The following RYR2 variants were observed in gnomAD, a reference collection of about 807,000 sequenced individuals.
RYR2 encodes the protein ryanodine receptor 2.
RYR2 carries 227 observed loss-of-function variants against 601.1 expected under a neutral mutation model. The observed-to-expected ratio is 0.38, with a 90% confidence interval of 0.34 to 0.42. The LOEUF is 0.42. Among genes scored for constraint, RYR2 ranks in the 10% least tolerant of loss-of-function variants. The probability of loss-of-function intolerance (pLI) is 1.00; values close to 1 mark genes in which losing one functional copy is unlikely to be tolerated. For missense variants in RYR2, 4,646 were observed against 6,156.5 expected (o/e 0.75, Z 8.21); for synonymous variants, 2,223 against 2,175.1 (o/e 1.02, Z -0.61).
intron 1 of RYR2, among the ~76,000 whole-genome samples, chr1:237,126,753 G>T (rs1187235659): frequency 6.6e-6 from 1 of 151,976 alleles, no homozygotes; most frequent in African/African-American, 2.4e-5. Context: ...CTTATGGAAA[G>T]AATTTTTATT....
Position 237,206,710 on chromosome 1 carries a change from T to C in RYR2, c.49-63787T>C, listed in dbSNP as rs115995884. ...TCCCTATTGTGAACTATTTAGTTTG[T>C]GTCCATTCTGTGGCTATTGAATACT... On this transcript the variant is annotated intron_variant, in intron 1 of 104. Coordinates refer to ENST00000366574, the MANE Select transcript of RYR2 (RefSeq NM_001035.3). Among the ~76,000 whole-genome samples, 1,190 of 152,340 alleles carry C rather than the reference T, an allele frequency of 7.8e-3. 18 individuals carry two copies. Among genetic ancestry groups the C allele is most frequent in the African/African-American group, 0.026 (1,101 of 41,588 alleles).
rs181399233 is a variant in RYR2 at position 237,140,741 on chromosome 1, C to T, written c.48+98172C>T. On this transcript the variant is annotated intron_variant, in intron 1 of 104. Transcript: ENST00000366574. ...AAGTGGATTAATTATTATAAGCTTA[C>T]TCTGAACCATTACAGGTGTCTTTGA... Among the ~76,000 whole-genome samples, 14 of 152,270 alleles carry T rather than the reference C, an allele frequency of 9.2e-5. No individual in the cohort carries two copies. In the East Asian group the frequency reaches 1.7e-3, roughly 19 times the overall value.
At chr1:237,803,450 G>A (rs987634010) in intron 98 of RYR2, among the ~76,000 whole-genome samples, 3 of 152,002 alleles carry the variant, frequency 2.0e-5, no homozygotes, top group Admixed American at 6.6e-5. Context: ...ACAGGCGCCC[G>A]CCACCACGCC....
At chr1:237,460,047 A>G (rs1385443022) in intron 16 of RYR2, among the ~76,000 whole-genome samples, 1 of 152,124 alleles carries the variant, frequency 6.6e-6, no homozygotes, top group African/African-American at 2.4e-5. Context: ...GTTTGACACA[A>G]TGGCTCCATC....
chr1:237,061,206 G>A (rs10925303), intron 1 of RYR2, among the ~76,000 whole-genome samples: 149,635 of 152,036 alleles, frequency 0.98, 73,650 homozygotes, highest in Middle Eastern at 1. Flanking sequence ...TTAAAAATAC[G>A]GTTGTTCTAT....
chr1:237,475,729 A>G (rs1041611141), intron 17 of RYR2, among the ~76,000 whole-genome samples: 3 of 152,266 alleles, frequency 2.0e-5, no homozygotes, highest in African/African-American at 7.2e-5. Context: ...TTAAATATCC[A>G]TAACCTCAGA....
intron 2 of RYR2, among the ~76,000 whole-genome samples, chr1:237,323,651 G>A (rs1296683965): frequency 1.3e-5 from 2 of 152,194 alleles, no homozygotes; most frequent in Non-Finnish European, 2.9e-5. Context: ...GGGATGCTAC[G>A]AATTCACTAG....
At position 237,486,267 on chromosome 1, in the gene RYR2, A is replaced by C. The variant is rs75975576; in HGVS notation, c.1709-5539A>C. 6.6e-3 allele frequency among the ~76,000 whole-genome samples: 1,008 copies of C among 152,332 alleles called. 12 individuals are homozygous for C. Among genetic ancestry groups the C allele is most frequent in the African/African-American group, 0.022 (926 of 41,580 alleles). ...TTGAAATGTCCAGAAGATAATTAGG[A>C]GATGATATTTGAAATCAACTTGGAA... On this transcript the variant is annotated intron_variant, in intron 17 of 104. Coordinates refer to ENST00000366574, the MANE Select transcript of RYR2 (RefSeq NM_001035.3).
At chr1:237,791,570 T>G in intron 93 of RYR2, 55 bp downstream of exon 93, 1 of 905,632 alleles carries the variant, frequency 1.1e-6, no homozygotes, top group Non-Finnish European at 1.8e-6. Context: ...TAGAAATGAA[T>G]GTAAAGATTT....
chr1:237,212,078 C>CTT, intron 1 of RYR2, among the ~76,000 whole-genome samples: 1 of 149,776 alleles, frequency 6.7e-6, no homozygotes, highest in African/African-American at 2.5e-5. Context: ...TTGTTTTTGA[C>CTT]TTTTTTTTTT....
chr1:237,807,000 T>A (rs1660702547), intron 99 of RYR2, among the ~76,000 whole-genome samples: 1 of 152,228 alleles, frequency 6.6e-6, no homozygotes, highest in Non-Finnish European at 1.5e-5. Context: ...CTTAACAGAC[T>A]CCTTCATTTC....
At chr1:237,542,638 G>A (rs369343107) in intron 25 of RYR2, among the ~76,000 whole-genome samples, 36 of 152,256 alleles carry the variant, frequency 2.4e-4, no homozygotes, top group African/African-American at 8.2e-4. Context: ...TCCCCTCTGT[G>A]AGTCACTGTT....
intron 88 of RYR2, 123 bp downstream of exon 88, chr1:237,778,893 T>G (rs1261272892): frequency 1.9e-6 from 1 of 521,990 alleles, no homozygotes; most frequent in South Asian, 3.3e-5. Flanking sequence ...ATCACTTGTC[T>G]TTTTAAGATC....
Position 237,784,491 on chromosome 1 carries a change from G to A in RYR2, c.12779G>A (p.Ser4260Asn). The A allele has an allele frequency of 6.2e-7, 1 of 1,613,674 alleles. No individual in the cohort carries two copies. The highest frequency in any genetic ancestry group is 8.5e-7 in the Non-Finnish European group (1 of 1,179,784). Residue 4260 changes from serine (S) to asparagine (N), a missense_variant, in exon 90 of 105, where the codon AGT becomes AAT. Around this residue, in one of 17 missense-constraint regions of RYR2, gnomAD observed 364 missense variants for 442.9 expected, o/e 0.82. Transcript: ENST00000366574. The surrounding 1 kb of genome is among the most constrained non-coding windows in gnomAD (Gnocchi z 7.1). The stretch of plus-strand genomic sequence containing the variant: ...ATCTTGACCCTTATGCGAATGCTCA[G>A]TCTGAAGAGCCTGAAGAAGCAGATG... The part of the protein sequence containing the change: ...YNILTLMRML[S>N]LKSLKKQMKK...
In RYR2 at chr1:237,614,741, C is replaced by T. The variant is rs116774472; in HGVS notation, c.5613C>T (p.Asp1871=). 826 of 1,613,774 alleles carry T rather than the reference C, an allele frequency of 5.1e-4. 1 individual carries two copies. In the African/African-American group the frequency reaches 8.8e-3, roughly 17 times the overall value. Residue 1871 remains aspartate, a synonymous_variant, in exon 37 of 105, where the codon GAC becomes GAT. Transcript: ENST00000366574. This position sits in a 1 kb window ranked among gnomAD's most constrained non-coding sequence, Gnocchi z 4.3. ...SDTLEKELSV[D]DAKLQGAGEE... is the part of the protein sequence containing the mutation. Reference sequence around the variant, plus strand: ...CGCTGGAGAAAGAGCTCAGTGTGGACGATGCAAAGCTGCAAGGAGCTGGTG... The same window carrying T: ...CGCTGGAGAAAGAGCTCAGTGTGGATGATGCAAAGCTGCAAGGAGCTGGTG...
intron 17 of RYR2, among the ~76,000 whole-genome samples, chr1:237,474,160 G>C (rs1182128308): frequency 1.3e-5 from 2 of 151,422 alleles, no homozygotes; most frequent in Admixed American, 6.6e-5. Context: ...GGCCACAGAA[G>C]GGAGTTATCT....
rs550513304 is a variant in RYR2 at position 237,650,063 on chromosome 1, G to T, written c.7699G>T (p.Asp2567Tyr). 11 of 1,613,996 alleles carry T rather than the reference G, an allele frequency of 6.8e-6. No homozygotes were observed. The Admixed American group carries it at 1.7e-4, about 24-fold the overall frequency. Residue 2567 changes from aspartate (D) to tyrosine (Y), a missense_variant, in exon 50 of 105, where the codon GAT (aspartate) becomes TAT (tyrosine). Around this residue, in one of 17 missense-constraint regions of RYR2, gnomAD observed 1,497 missense variants for 1,842.6 expected, o/e 0.81. Transcript: ENST00000366574. ...CTGTTCACTTACCAAAGCTCAGCGGGATTCCATAGAAGTTTGTTTACTCTC... is the reference window on the plus strand; with the variant it reads ...CTGTTCACTTACCAAAGCTCAGCGGTATTCCATAGAAGTTTGTTTACTCTC... ...KGCSLTKAQR[D>Y]SIEVCLLSIC...
chr1:237,210,300 T>G (rs1378501965), intron 1 of RYR2, among the ~76,000 whole-genome samples: 1 of 152,250 alleles, frequency 6.6e-6, no homozygotes. Flanking sequence ...CTATTTCATA[T>G]TAGAGAATCT....
intron 28 of RYR2, among the ~76,000 whole-genome samples, chr1:237,567,492 A>G (rs1017292083): frequency 1.1e-4 from 16 of 151,354 alleles, no homozygotes; most frequent in African/African-American, 3.9e-4. Flanking sequence ...TACGAGGCTG[A>G]GGTGAGAGGA....
Sources: gnomAD v4.1 joint callset for allele counts (sites outside exome capture counted in the v4.1 genomes callset) on GRCh38, gnomAD v4.1.1 for gene constraint, gnomAD v4.1.1 regional missense constraint, Gnocchi (gnomAD v3.1) non-coding constraint, MANE v1.5 for transcripts, NCBI Gene and HGNC (gene_info 2026-07-23, HGNC 2026-07-21) for gene names.